NFU1: variants seen among roughly 807,000 people sequenced by gnomAD.
The protein encoded by NFU1 is NFU1 iron-sulfur cluster scaffold homolog, mitochondrial.
Under a neutral mutation model 32.2 loss-of-function variants are expected in NFU1, and 30 were observed. The observed-to-expected ratio is 0.93, with a 90% CI of 0.70 to 1.26. The LOEUF is 1.26. Among genes scored for constraint, NFU1 ranks in the 50% most tolerant of loss-of-function variants. The probability of loss-of-function intolerance (pLI) is 0.00; values close to 1 mark genes in which losing one functional copy is unlikely to be tolerated. For missense variants in NFU1, 306 were observed against 306.6 expected (o/e 1.00, Z 0.02); for synonymous variants, 112 against 104.6 (o/e 1.07, Z -0.43).
At chr2:69,414,636 A>C (rs1436776296) in intron 5 of NFU1, among the ~76,000 whole-genome samples, 1 of 151,562 alleles carries the variant, frequency 6.6e-6, no homozygotes, top group South Asian at 2.1e-4. Context: ...AAAAAAAAAA[A>C]AAAAAACAGA....
At chr2:69,402,159 T>A (rs1449606305) in intron 6 of NFU1, among the ~76,000 whole-genome samples, 2 of 152,322 alleles carry the variant, frequency 1.3e-5, no homozygotes, top group Admixed American at 1.3e-4. Context: ...CCTCCCAAAG[T>A]GCCGGGATTA....
At chr2:69,439,041 G>A (rs1321229734), upstream of NFU1, among the ~76,000 whole-genome samples, 1 of 151,850 alleles carries the variant, frequency 6.6e-6, no homozygotes, top group Non-Finnish European at 1.5e-5. Flanking sequence ...CCTCTCTGAT[G>A]GATTCCTTAT....
intron 5 of NFU1, 121 bp downstream of exon 5, chr2:69,415,064 G>T: frequency 1.5e-6 from 1 of 677,982 alleles, no homozygotes; most frequent in Non-Finnish European, 2.6e-6. Flanking sequence ...AATTTGCAGA[G>T]CTAAATATAT....
In NFU1 at chr2:69,429,049, T is replaced by C. The variant is rs533976606; in HGVS notation, c.166+2853A>G. Among the ~76,000 whole-genome samples the C allele has an allele frequency of 1.4e-4, 22 of 152,330 alleles. No individual in the cohort carries two copies. In the East Asian group the frequency reaches 4.2e-3, roughly 29 times the overall value. The stretch of plus-strand genomic sequence containing the variant: ...TGAAAAAATAGCCGCAATGTCCAAG[T>C]ACTTCATTTAAAATATGTATATTTC... On this transcript the variant is annotated intron_variant, in intron 2 of 7. Transcript: ENST00000410022.
rs1236671979 is a variant in NFU1, at chr2:69,437,272, C to T, written c.62+89G>A. ...GGCTCCATCAGATGCACTACCCACC[C>T]GCCTCGAGAGAGGGTCTGCAAGGCG... On this transcript the variant is annotated intron_variant, in intron 1 of 7. Coordinates refer to ENST00000410022, the MANE Select transcript of NFU1 (RefSeq NM_001002755.4). 36 of 1,532,214 alleles carry T rather than the reference C, an allele frequency of 2.3e-5. No homozygotes were observed. Among genetic ancestry groups the T allele is most frequent in the Middle Eastern group, 3.4e-4 (2 of 5,956 alleles). 94.9% of individuals were successfully genotyped at this position (1,532,214 alleles called of 1,614,324 possible).
At chr2:69,430,353 C>T (rs1401268846) in intron 2 of NFU1, among the ~76,000 whole-genome samples, 1 of 151,938 alleles carries the variant, frequency 6.6e-6, no homozygotes, top group Non-Finnish European at 1.5e-5. Flanking sequence ...GCTGGGACTA[C>T]AGGCATGCAC....
At chr2:69,414,612 T>A in intron 5 of NFU1, among the ~76,000 whole-genome samples, 1 of 106,818 alleles carries the variant, frequency 9.4e-6, no homozygotes, top group African/African-American at 4.3e-5. Flanking sequence ...AGTGAGAGTC[T>A]GTCTCTAAAA....
intron 4 of NFU1, among the ~76,000 whole-genome samples, chr2:69,416,613 T>G (rs1455547243): frequency 6.6e-6 from 1 of 152,014 alleles, no homozygotes; most frequent in African/African-American, 2.4e-5. Flanking sequence ...ATGAAAGAAA[T>G]TTGGCTGGGC....
intron 5 of NFU1, among the ~76,000 whole-genome samples, chr2:69,408,498 T>C (rs183029815): frequency 9.7e-4 from 147 of 152,134 alleles, no homozygotes; most frequent in Middle Eastern, 3.4e-3. Context: ...GGTGGGCAGA[T>C]CACTTGAGGT....
chr2:69,437,137 C>G, intron 1 of NFU1: 1 of 963,854 alleles, frequency 1.0e-6, no homozygotes, highest in Non-Finnish European at 1.5e-6. Context: ...GTCTCTGAGC[C>G]TGAGAGGAAG....
rs771482600 is a variant in NFU1, at chr2:69,406,098, T to C, written c.485-16A>G. On this transcript the variant is annotated splice_polypyrimidine_tract_variant and intron_variant, in intron 5 of 7. Transcript: ENST00000410022. Reference sequence around the variant, plus strand: ...TCTTCAGATCCTAGAAATAATTACATATAAAAACATCAAGAGTAGAAATTT... The same window carrying C: ...TCTTCAGATCCTAGAAATAATTACACATAAAAACATCAAGAGTAGAAATTT... 16 of 1,504,246 alleles carry C rather than the reference T, an allele frequency of 1.1e-5. No individual in the cohort carries two copies. Among genetic ancestry groups the C allele is most frequent in the Admixed American group, 1.7e-5 (1 of 59,810 alleles). 93.2% of individuals were successfully genotyped at this position (1,504,246 alleles called of 1,614,324 possible). A position where few individuals can be genotyped will look rare whatever the true frequency, so the allele number is the denominator to read the frequency against.
At chr2:69,399,485 C>G in intron 7 of NFU1, 3 of 395,830 alleles carry the variant, frequency 7.6e-6, no homozygotes, top group Non-Finnish European at 1.5e-5. Context: ...TAATGGGCTT[C>G]TTGCTTGCAT....
intron 1 of NFU1, 131 bp downstream of exon 1, chr2:69,437,230 G>A (rs1673874331): frequency 1.4e-6 from 2 of 1,477,068 alleles, no homozygotes; most frequent in Non-Finnish European, 1.8e-6. Flanking sequence ...CAACTACGGC[G>A]ACAGGGCGGA....
intron 3 of NFU1, among the ~76,000 whole-genome samples, chr2:69,421,594 G>C (rs1458996134): frequency 9.4e-6 from 1 of 105,894 alleles, no homozygotes; most frequent in African/African-American, 3.8e-5. Flanking sequence ...TTTTGAGACA[G>C]TCTCGCTCTG....
intron 2 of NFU1, among the ~76,000 whole-genome samples, chr2:69,427,068 AAAAGAAAG>A (rs199900917): frequency 0.013 from 1,807 of 141,790 alleles, 41 homozygotes; most frequent in African/African-American, 0.045. Context: ...TCAAAAAAAA[AAAAGAAAG>A]AAAGAAAGAA....
At chr2:69,419,472 G>C (rs1195443545) in intron 4 of NFU1, 66 bp downstream of exon 4, 4 of 769,476 alleles carry the variant, frequency 5.2e-6, no homozygotes, top group African/African-American at 1.7e-5. Flanking sequence ...GTTGGAGAGA[G>C]AGGCATTGGA....
chr2:69,423,633 C>T lies in NFU1; in HGVS notation c.251G>A (p.Arg84Lys), dbSNP rs759891909. The T allele has an allele frequency of 6.2e-7, 1 of 1,613,548 alleles. No homozygotes were observed. Among genetic ancestry groups the T allele is most frequent in the South Asian group, 1.1e-5 (1 of 91,062 alleles). The change falls in exon 3 of 8, where the codon AGG (arginine) becomes AAG (lysine). Residue 84 changes from arginine (R) to lysine (K), a missense_variant. By Grantham distance (26) the Arg-to-Lys change is conservative (BLOSUM62 2). Transcript: ENST00000410022. ...AGCTGGGGTGGGAAAATCCATGGTC[C>T]TTGTCTCAAGAACTGGTTTTCCTGG... ...FIPGKPVLETRTMDFPTPAAA... is the reference protein window; with the variant it reads ...FIPGKPVLETKTMDFPTPAAA...
chr2:69,425,444 C>T (rs1461739369), intron 2 of NFU1, among the ~76,000 whole-genome samples: 3 of 151,340 alleles, frequency 2.0e-5, no homozygotes, highest in Admixed American at 6.6e-5. Context: ...AACCTCTGCC[C>T]CCTAAGTTCA....
intron 1 of NFU1, among the ~76,000 whole-genome samples, chr2:69,435,910 G>T (rs1031012238): frequency 1.4e-5 from 2 of 144,270 alleles, no homozygotes; most frequent in Non-Finnish European, 3.0e-5. Flanking sequence ...ACACCACCAC[G>T]CCCAGCTTTT....
Sources: gnomAD v4.1 joint callset for allele counts (sites outside exome capture counted in the v4.1 genomes callset) on GRCh38, gnomAD v4.1.1 for gene constraint, MANE v1.5 for transcripts, NCBI Gene and HGNC (gene_info 2026-07-23, HGNC 2026-07-21) for gene names.